The following SCGB2B2 variants were observed in gnomAD, a reference collection of about 807,000 sequenced individuals.
SCGB2B2 encodes the protein secretoglobin family 2B member 2, also known as secretoglobin-like protein.
In SCGB2B2, 11 loss-of-function variants were observed where a neutral mutation model predicts 7.6. The observed-to-expected ratio is 1.45, with a 90% confidence interval of 0.91 to 2.40. The LOEUF is 2.40. Ranked by LOEUF, SCGB2B2 falls within the 30% of genes most tolerant of loss-of-function variation. The probability of loss-of-function intolerance (pLI) is 0.00; values close to 1 mark genes in which losing one functional copy is unlikely to be tolerated. For synonymous variants in SCGB2B2, 50 were observed against 48.6 expected, an observed-to-expected ratio of 1.03 and a Z score of -0.12; for missense variants, 104 against 115.4, an observed-to-expected ratio of 0.90 and a Z score of 0.45.
chr19:34,635,438 C>T, intron 1 of SCGB2B2: 1 of 302,164 alleles, frequency 3.3e-6, no homozygotes, highest in South Asian at 3.9e-5. Context: ...ACCCATAAGG[C>T]CTCTCTCCAG....
rs546856755 is a variant in SCGB2B2 at position 34,662,181 on chromosome 19, T to C, written c.-2032+13449A>G. Reference sequence around the variant, plus strand: ...AGGTGTGAGCCACCGCGCCGGGCCATGTTAGTGTATTTTATGTGTGACCCA... The same window carrying C: ...AGGTGTGAGCCACCGCGCCGGGCCACGTTAGTGTATTTTATGTGTGACCCA... On this transcript the variant is annotated intron_variant, in intron 1 of 3. Coordinates refer to ENST00000601241, the MANE Select transcript of SCGB2B2 (RefSeq NM_001025591.4). 1.6e-4 allele frequency among the ~76,000 whole-genome samples: 24 copies of C among 152,218 alleles called. No individual in the cohort carries two copies. The South Asian group carries it at 5.0e-3, about 32-fold the overall frequency.
chr19:34,594,174 C>T lies in SCGB2B2; in HGVS notation c.246+1G>A. The T allele has an allele frequency of 6.2e-7, 1 of 1,613,588 alleles. No homozygotes were observed. Among genetic ancestry groups the T allele is most frequent in the Non-Finnish European group, 8.5e-7 (1 of 1,179,654 alleles). Reference sequence around the variant, plus strand: ...GTGCAGGTCCCCCCGGGCACACTCACAATAACAACTGAATGAGCAAATCTT... The same window carrying T: ...GTGCAGGTCCCCCCGGGCACACTCATAATAACAACTGAATGAGCAAATCTT... On this transcript the variant is annotated splice_donor_variant, in intron 3 of 3. Transcript: ENST00000601241. LOFTEE classifies it high-confidence loss of function.
At chr19:34,643,455 C>T (rs941061545) in intron 1 of SCGB2B2, among the ~76,000 whole-genome samples, 1 of 152,006 alleles carries the variant, frequency 6.6e-6, no homozygotes, top group Admixed American at 6.6e-5. Flanking sequence ...GGGAGGTTAA[C>T]GCATGAAAGC....
intron 1 of SCGB2B2, among the ~76,000 whole-genome samples, chr19:34,606,530 C>G (rs1322099505): frequency 1.7e-5 from 2 of 120,164 alleles, no homozygotes. Context: ...TTTTTTTTTG[C>G]TGGTGAGGAC....
At chr19:34,610,608 C>T (rs909116391) in intron 1 of SCGB2B2, among the ~76,000 whole-genome samples, 1 of 152,050 alleles carries the variant, frequency 6.6e-6, no homozygotes, top group African/African-American at 2.4e-5. Flanking sequence ...TGATGTGTCA[C>T]AAGTATTGAT....
intron 1 of SCGB2B2, among the ~76,000 whole-genome samples, chr19:34,598,932 TG>T (rs1443236865): frequency 6.6e-6 from 1 of 152,264 alleles, no homozygotes; most frequent in Non-Finnish European, 1.5e-5. Context: ...AATCTGGCCT[TG>T]GGGCCTGCTT....
At chr19:34,632,297 G>A (rs989082776) in intron 1 of SCGB2B2, among the ~76,000 whole-genome samples, 5 of 152,106 alleles carry the variant, frequency 3.3e-5, no homozygotes, top group African/African-American at 1.2e-4. Context: ...TCTGCTATAG[G>A]ACAGACTGTT....
chr19:34,632,664 A>G (rs920782161), intron 1 of SCGB2B2: 7 of 152,254 alleles, frequency 4.6e-5, no homozygotes, highest in Non-Finnish European at 1.0e-4. Flanking sequence ...ATAAAATAGT[A>G]TAACCACTTT....
chr19:34,613,862 C>T (rs1165847214), intron 1 of SCGB2B2, among the ~76,000 whole-genome samples: 1 of 152,150 alleles, frequency 6.6e-6, no homozygotes, highest in Non-Finnish European at 1.5e-5. Flanking sequence ...AATGTTATTA[C>T]TCTCTCATTT....
intron 1 of SCGB2B2, among the ~76,000 whole-genome samples, chr19:34,605,728 C>T (rs1468194996): frequency 2.6e-5 from 4 of 152,124 alleles, no homozygotes; most frequent in African/African-American, 7.2e-5. Context: ...GCTGGGAATA[C>T]AGGCATGCAC....
rs146879934 is a variant in SCGB2B2 at position 34,600,177 on chromosome 19, G to A, written c.-2031-3583C>T. Among the ~76,000 whole-genome samples, 762 of 152,260 alleles carry A rather than the reference G, an allele frequency of 5.0e-3. 2 individuals carry two copies. The highest frequency in any genetic ancestry group is 8.9e-3 in the Non-Finnish European group (607 of 68,042). Reference sequence around the variant, plus strand: ...TTCTACCTAAACATCTTCATATACAGTAAACGTTAATTTTGCTCTTTTACA... The same window carrying A: ...TTCTACCTAAACATCTTCATATACAATAAACGTTAATTTTGCTCTTTTACA... On this transcript the variant is annotated intron_variant, in intron 1 of 3. Transcript: ENST00000601241.
At chr19:34,609,619 T>C (rs1180639332) in intron 1 of SCGB2B2, among the ~76,000 whole-genome samples, 1 of 152,118 alleles carries the variant, frequency 6.6e-6, no homozygotes, top group African/African-American at 2.4e-5. Context: ...GTTGAAATTA[T>C]GTTGATGGTA....
At chr19:34,662,802 G>T (rs757769714) in intron 1 of SCGB2B2, among the ~76,000 whole-genome samples, 10 of 152,132 alleles carry the variant, frequency 6.6e-5, no homozygotes, top group African/African-American at 2.4e-4. Flanking sequence ...ACAGTGGTAT[G>T]TGCCTGTAGT....
At chr19:34,657,532 AT>A (rs1252159121) in intron 1 of SCGB2B2, among the ~76,000 whole-genome samples, 1 of 152,094 alleles carries the variant, frequency 6.6e-6, no homozygotes, top group East Asian at 1.9e-4. Context: ...AAAGGGATCA[AT>A]TCAACAAGAA....
chr19:34,621,241 T>TTTTG (rs1218539508), intron 1 of SCGB2B2, among the ~76,000 whole-genome samples: 1 of 152,202 alleles, frequency 6.6e-6, no homozygotes, highest in African/African-American at 2.4e-5. Context: ...TGTAAGGTTT[T>TTTTG]TTTGTTCGTC....
rs1271279796 is a variant in SCGB2B2, at chr19:34,592,253, G to T, written c.*1302C>A. 6.6e-6 allele frequency among the ~76,000 whole-genome samples: 1 copy of T among 152,176 alleles called. No individual in the cohort carries two copies. Among genetic ancestry groups the T allele is most frequent in the Non-Finnish European group, 1.5e-5 (1 of 68,036 alleles). ...AAGGAAATCTGGGAGTGCAAAGATA[G>T]GGTGGTCAGCAGTGGAGCCTTGTCC... is the stretch of plus-strand genomic sequence containing the variant. On this transcript the variant is annotated 3_prime_UTR_variant, in exon 4 of 4. Coordinates refer to ENST00000601241, the MANE Select transcript of SCGB2B2 (RefSeq NM_001025591.4).
intron 1 of SCGB2B2, among the ~76,000 whole-genome samples, chr19:34,608,419 T>C (rs2065837638): frequency 6.6e-6 from 1 of 151,128 alleles, no homozygotes; most frequent in African/African-American, 2.4e-5. Context: ...AGTTGCACTT[T>C]GTACCATTAA....
chr19:34,601,300 G>C (rs1168608907), intron 1 of SCGB2B2, among the ~76,000 whole-genome samples: 3 of 152,196 alleles, frequency 2.0e-5, no homozygotes, highest in African/African-American at 7.2e-5. Flanking sequence ...TAAAGCTTTA[G>C]TTCTTGACTC....
Position 34,594,480 on chromosome 19 carries a change from A to G in SCGB2B2, c.61+23T>C, listed in dbSNP as rs2065386910. On this transcript the variant is annotated intron_variant, in intron 2 of 3. Transcript: ENST00000601241. ...AGGAGCAGGGCCACCGCTTCCTCCC[A>G]GCCCTGCTCGCCTCTTTCTTACCCA... 2.5e-6 allele frequency: 4 copies of G among 1,612,506 alleles called. No homozygotes were observed. In the South Asian group the frequency reaches 3.3e-5, roughly 13 times the overall value.
Sources: allele counts gnomAD v4.1 joint callset (sites outside exome capture counted in the v4.1 genomes callset), GRCh38; gene constraint gnomAD v4.1.1; transcripts MANE v1.5; gene names NCBI Gene and HGNC (gene_info 2026-07-23, HGNC 2026-07-21).